MKKS: variants seen among roughly 807,000 people sequenced by gnomAD.
The protein encoded by MKKS is molecular chaperone MKKS.
A neutral mutation model predicts 33.2 loss-of-function variants in MKKS; 29 were observed. The ratio of observed to expected loss-of-function variants is 0.87; its 90% CI spans 0.65 to 1.19. MKKS has a LOEUF of 1.19. Among genes scored for constraint, MKKS ranks in the 50% most tolerant of loss-of-function variants. MKKS has a pLI of 0.00. For missense variants in MKKS, 661 were observed against 662.3 expected, an observed-to-expected ratio of 1.00 and a Z score of 0.02; for synonymous variants, 260 against 244.0, an observed-to-expected ratio of 1.07 and a Z score of -0.61.
rs1221182775 is a variant in MKKS, at chr20:10,403,390, C to A, written c.*1857G>T. On this transcript the variant is annotated 3_prime_UTR_variant, in exon 6 of 6. Transcript: ENST00000347364. ...GAGGCTGCCTACCACATGCAAAATA[C>A]GTCCCCCCTACTCCTCAGATCCTCA... 1 of 150,202 alleles carries A rather than the reference C, an allele frequency of 6.7e-6. No homozygotes were observed. Among genetic ancestry groups the A allele is most frequent in the East Asian group, 2.0e-4 (1 of 4,908 alleles). 9.3% of individuals were successfully genotyped at this position (150,202 alleles called of 1,614,324 possible).
At chr20:10,418,172 A>G (rs1228688437) in intron 2 of MKKS, among the ~76,000 whole-genome samples, 1 of 152,254 alleles carries the variant, frequency 6.6e-6, no homozygotes, top group African/African-American at 2.4e-5. Context: ...CAAAAGGACT[A>G]CATAGTGGAG....
intron 3 of MKKS, among the ~76,000 whole-genome samples, chr20:10,410,217 T>C (rs2064873080): frequency 6.6e-6 from 1 of 152,202 alleles, no homozygotes; most frequent in Admixed American, 6.5e-5. Context: ...CCGGCTCTAC[T>C]GCTTATCAGC....
chr20:10,412,705 A>C lies in MKKS; in HGVS notation c.810T>G (p.Asn270Lys). 6.2e-7 allele frequency: 1 copy of C among 1,614,164 alleles called. No individual in the cohort carries two copies. Among genetic ancestry groups the C allele is most frequent in the Non-Finnish European group, 8.5e-7 (1 of 1,180,032 alleles). The change falls in exon 3 of 6, where the codon AAT (asparagine) becomes AAG (lysine). Residue 270 changes from asparagine to lysine, a missense_variant. By Grantham distance (94) the Asn-to-Lys change is moderately conservative (BLOSUM62 0). Coordinates refer to ENST00000347364, the MANE Select transcript of MKKS (RefSeq NM_170784.3). ...VVVSYGVSLE[N>K]AVLDQLLNLG... is the part of the protein sequence containing the mutation. ...GGTTAAGCAGCTGGTCCAAGACTGC[A>C]TTTTCAAGAGAAACCCCATAACTGA...
intron 3 of MKKS, among the ~76,000 whole-genome samples, chr20:10,409,684 A>T (rs1196291239): frequency 6.6e-6 from 1 of 152,112 alleles, no homozygotes; most frequent in Non-Finnish European, 1.5e-5. Context: ...TGAAAGTCTA[A>T]AATGTCGGCC....
chr20:10,426,769 T>TA (rs1250874991), intron 1 of MKKS, among the ~76,000 whole-genome samples: 3 of 152,146 alleles, frequency 2.0e-5, no homozygotes, highest in African/African-American at 7.2e-5. Flanking sequence ...TGTCCAAAAT[T>TA]AGAGGGCATC....
chr20:10,425,364 A>G (rs927774831), intron 1 of MKKS, among the ~76,000 whole-genome samples: 2 of 152,260 alleles, frequency 1.3e-5, no homozygotes, highest in Non-Finnish European at 2.9e-5. Context: ...AAAATATGCT[A>G]TGGCAATAAA....
intron 1 of MKKS, among the ~76,000 whole-genome samples, chr20:10,432,789 C>CACA (rs1281649266): frequency 2.7e-5 from 2 of 74,560 alleles, no homozygotes; most frequent in East Asian, 8.7e-4. Flanking sequence ...GACTCTTTGT[C>CACA]AAAAAAAAAA....
At chr20:10,407,029 C>T (rs546777275) in intron 5 of MKKS, among the ~76,000 whole-genome samples, 1 of 152,250 alleles carries the variant, frequency 6.6e-6, no homozygotes, top group African/African-American at 2.4e-5. Context: ...TATCTGAGAG[C>T]TGTCAGGAAA....
intron 1 of MKKS, among the ~76,000 whole-genome samples, chr20:10,421,487 T>C (rs766473841): frequency 6.6e-6 from 1 of 151,770 alleles, no homozygotes; most frequent in Non-Finnish European, 1.5e-5. Context: ...TCCACAAATA[T>C]GCAGTAAGAA....
Position 10,413,303 on chromosome 20 carries a change from T to C in MKKS, c.212A>G (p.His71Arg), listed in dbSNP as rs1400919164. ...SALLSHLLVTHPILKILTASI... is the reference protein window; with the variant it reads ...SALLSHLLVTRPILKILTASI... ...GGCTGTCAGGATCTTTAAAATGGGA[T>C]GTGTGACCAAAAGGTGACTGAGCAG... Residue 71 changes from histidine (H) to arginine (R), a missense_variant, in exon 3 of 6, where the codon CAT (histidine) becomes CGT (arginine). Transcript: ENST00000347364. The C allele has an allele frequency of 1.9e-6, 3 of 1,614,104 alleles. No homozygotes were observed. Among genetic ancestry groups the C allele is most frequent in the South Asian group, 2.2e-5 (2 of 91,094 alleles).
chr20:10,426,387 G>A (rs559409084), intron 1 of MKKS, among the ~76,000 whole-genome samples: 91 of 152,006 alleles, frequency 6.0e-4, no homozygotes, highest in African/African-American at 2.0e-3. Context: ...AACTAGCTTG[G>A]GGCATCATGC....
rs889037739 is a variant in MKKS, at chr20:10,405,355, G to A, written c.1605C>T (p.Ser535=). Residue 535 remains serine, a synonymous_variant, in exon 6 of 6, where the codon AGC becomes AGT. Coordinates refer to ENST00000347364, the MANE Select transcript of MKKS (RefSeq NM_170784.3). ...CAGTCAAACAGTCCAAGGTCAGGTT[G>A]CTGGCTGAGCCCACAGCTTCATGTG... ...CLPHEAVGSA[S]NLTLDCLTAK... is the part of the protein sequence containing the mutation. The A allele has an allele frequency of 1.9e-6, 3 of 1,614,092 alleles. No homozygotes were observed. Among genetic ancestry groups the A allele is most frequent in the African/African-American group, 2.7e-5 (2 of 74,940 alleles).
At chr20:10,432,952 A>G (rs900559930) in intron 1 of MKKS, among the ~76,000 whole-genome samples, 21 of 152,190 alleles carry the variant, frequency 1.4e-4, no homozygotes, top group African/African-American at 5.1e-4. Context: ...ATGACAAGAA[A>G]AAAGGTCTGC....
intron 1 of MKKS, among the ~76,000 whole-genome samples, chr20:10,423,907 T>C (rs1316492105): frequency 1.3e-5 from 2 of 152,202 alleles, no homozygotes; most frequent in Non-Finnish European, 2.9e-5. Flanking sequence ...GATTTAATGA[T>C]TAATTGCTTT....
Position 10,413,157 on chromosome 20 carries a change from T to C in MKKS, c.358A>G (p.Asn120Asp), listed in dbSNP as rs755677688. 1 of 1,614,170 alleles carries C rather than the reference T, an allele frequency of 6.2e-7. No homozygotes were observed. The highest frequency in any genetic ancestry group is 8.5e-7 in the Non-Finnish European group (1 of 1,180,040). ...GLTPTTVIRL[N>D]KHLLSLCISY... ...ATGCAAAGACTCAAAAGATGTTTAT[T>C]TAATCTAATGACAGTGGTGGGTGTC... is the stretch of plus-strand genomic sequence containing the variant. Residue 120 changes from asparagine to aspartate, a missense_variant, in exon 3 of 6, where the codon AAT (asparagine) becomes GAT (aspartate). Asn to Asp is a conservative substitution (Grantham distance 23). Coordinates refer to ENST00000347364, the MANE Select transcript of MKKS (RefSeq NM_170784.3).
At position 10,423,287 on chromosome 20, in the gene MKKS, C is replaced by T. The variant is rs568723602; in HGVS notation, c.-648-2529G>A. ...TACAAAAATTAGCTGGGCATGGTGGCGCACGCCTGTAGTTCTAGCTGCGTG... is the reference window on the plus strand; with the variant it reads ...TACAAAAATTAGCTGGGCATGGTGGTGCACGCCTGTAGTTCTAGCTGCGTG... On this transcript the variant is annotated intron_variant, in intron 1 of 5. Transcript: ENST00000347364. Among the ~76,000 whole-genome samples, 6 of 152,090 alleles carry T rather than the reference C, an allele frequency of 3.9e-5. No individual in the cohort carries two copies. In the East Asian group the frequency reaches 7.8e-4, roughly 20 times the overall value.
At position 10,413,392 on chromosome 20, in the gene MKKS, A is replaced by T. The variant is rs1030259215; in HGVS notation, c.123T>A (p.Gly41=). Residue 41 remains glycine (G), a synonymous_variant, in exon 3 of 6, where the codon GGT becomes GGA. Transcript: ENST00000347364. ...RIVTSCYGPS[G]RLKQLHNGFG... is the part of the protein sequence containing the mutation. ...AGCCATTGTGCAGCTGCTTCAGCCT[A>T]CCTGAGGGGCCATAGCATGATGTTA... 1.9e-6 allele frequency: 3 copies of T among 1,612,982 alleles called. No individual in the cohort carries two copies. Among genetic ancestry groups the T allele is most frequent in the Non-Finnish European group, 2.5e-6 (3 of 1,178,966 alleles).
At chr20:10,417,614 G>C (rs2064948874) in intron 2 of MKKS, among the ~76,000 whole-genome samples, 1 of 151,996 alleles carries the variant, frequency 6.6e-6, no homozygotes, top group African/African-American at 2.4e-5. Flanking sequence ...GTGCCCAAGA[G>C]TTTGAGGCTG....
At position 10,433,242 on chromosome 20, in the gene MKKS, T is replaced by C. The variant is rs367667752; in HGVS notation, c.-649+866A>G. Among the ~76,000 whole-genome samples the C allele has an allele frequency of 6.6e-5, 10 of 152,214 alleles. No homozygotes were observed. In the East Asian group the frequency reaches 1.2e-3, roughly 18 times the overall value. Reference sequence around the variant, plus strand: ...GCTGGCCCCAAACTCCTGACTCAAGTGATCCGCCCGCCTCGGGCTCCTAAA... The same window carrying C: ...GCTGGCCCCAAACTCCTGACTCAAGCGATCCGCCCGCCTCGGGCTCCTAAA... On this transcript the variant is annotated intron_variant, in intron 1 of 5. Coordinates refer to ENST00000347364, the MANE Select transcript of MKKS (RefSeq NM_170784.3).
Sources: gnomAD v4.1 joint callset for allele counts (sites outside exome capture counted in the v4.1 genomes callset) on GRCh38, gnomAD v4.1.1 for gene constraint, MANE v1.5 for transcripts, NCBI Gene and HGNC (gene_info 2026-07-23, HGNC 2026-07-21) for gene names.